Variants in GRHL2 observed in about 807,000 individuals in gnomAD.
The protein encoded by GRHL2 is grainyhead like transcription factor 2.
Under a neutral mutation model 83.8 loss-of-function variants are expected in GRHL2, and 21 were observed. The observed-to-expected ratio is 0.25, with a 90% CI of 0.18 to 0.36. GRHL2 has a LOEUF of 0.36. Ranked by LOEUF, GRHL2 falls within the 10% of genes least tolerant of loss-of-function variation. The pLI is 1.00. For synonymous variants in GRHL2, 280 were observed against 278.9 expected (o/e 1.00, Z -0.04); for missense variants, 623 against 781.8 (o/e 0.80, Z 2.42).
intron 4 of GRHL2, among the ~76,000 whole-genome samples, chr8:101,559,130 T>C (rs534573839): frequency 6.6e-6 from 1 of 152,252 alleles, no homozygotes; most frequent in African/African-American, 2.4e-5. Flanking sequence ...TTCTGCTTTG[T>C]AAAGTTTTCA....
intron 14 of GRHL2, among the ~76,000 whole-genome samples, chr8:101,653,078 G>T (rs1813705273): frequency 6.6e-6 from 1 of 152,182 alleles, no homozygotes; most frequent in Non-Finnish European, 1.5e-5. Flanking sequence ...GTTGTGTGGG[G>T]AGGTCCTCTC....
intron 14 of GRHL2, among the ~76,000 whole-genome samples, chr8:101,650,376 C>T (rs542571643): frequency 4.1e-4 from 63 of 152,162 alleles, no homozygotes; most frequent in African/African-American, 1.4e-3. Context: ...AATAGTATTC[C>T]GTTGTGTAAA....
Position 101,577,533 on chromosome 8 carries a change from G to T in GRHL2, c.1003+14G>T. On this transcript the variant is annotated intron_variant, in intron 7 of 15. Transcript: ENST00000646743. ...TCCTTGACATTGGTAAGTTGACCTT[G>T]ACTTCCCTGTATAGTCCTCGATAAA... 1 of 1,529,700 alleles carries T rather than the reference G, an allele frequency of 6.5e-7. No individual in the cohort carries two copies. Among genetic ancestry groups the T allele is most frequent in the South Asian group, 1.1e-5 (1 of 88,916 alleles). 94.8% of individuals were successfully genotyped at this position (1,529,700 alleles called of 1,614,324 possible). A position where few individuals can be genotyped will look rare whatever the true frequency, so the allele number is the denominator to read the frequency against.
At chr8:101,602,185 C>T (rs1198944419) in intron 8 of GRHL2, among the ~76,000 whole-genome samples, 1 of 152,086 alleles carries the variant, frequency 6.6e-6, no homozygotes, top group Non-Finnish European at 1.5e-5. Flanking sequence ...GTCTGCGGAG[C>T]CTAAGGCATT....
intron 8 of GRHL2, among the ~76,000 whole-genome samples, chr8:101,599,866 G>C (rs953929872): frequency 6.6e-6 from 1 of 152,162 alleles, no homozygotes; most frequent in Non-Finnish European, 1.5e-5. Flanking sequence ...AAACCGTTCT[G>C]CTATGCCCAC....
chr8:101,677,243 C>A, the GRHL2 span, among the ~76,000 whole-genome samples: 1 of 150,074 alleles, frequency 6.7e-6, no homozygotes, highest in Non-Finnish European at 1.5e-5. Flanking sequence ...AGAAAAGGCA[C>A]CAAGATGAAC....
intron 1 of GRHL2, among the ~76,000 whole-genome samples, chr8:101,522,941 G>A (rs1045669137): frequency 6.7e-6 from 1 of 150,102 alleles, no homozygotes. Flanking sequence ...ATGGAATCTC[G>A]CTCTGTCACC....
intron 8 of GRHL2, among the ~76,000 whole-genome samples, chr8:101,603,351 A>G (rs1036908131): frequency 1.3e-5 from 2 of 152,242 alleles, no homozygotes; most frequent in African/African-American, 2.4e-5. Flanking sequence ...ACAAAAAACA[A>G]AAAACCAATC....
chr8:101,678,837 T>A, the GRHL2 span, among the ~76,000 whole-genome samples: 3 of 149,854 alleles, frequency 2.0e-5, no homozygotes, highest in South Asian at 4.3e-4. Flanking sequence ...CATGGCAGGG[T>A]ATTCCAACAG....
intron 1 of GRHL2, among the ~76,000 whole-genome samples, chr8:101,504,004 G>A (rs1284148586): frequency 6.6e-6 from 1 of 152,104 alleles, no homozygotes; most frequent in African/African-American, 2.4e-5. Context: ...ATGCATTTAT[G>A]TATTTATGTA....
chr8:101,654,668 C>A (rs775054017), intron 14 of GRHL2, among the ~76,000 whole-genome samples: 1 of 152,134 alleles, frequency 6.6e-6, no homozygotes, highest in African/African-American at 2.4e-5. Flanking sequence ...CCCTTCCTTC[C>A]GAGCAACTTA....
intron 1 of GRHL2, among the ~76,000 whole-genome samples, chr8:101,542,486 G>C (rs559495339): frequency 4.7e-4 from 72 of 151,896 alleles, no homozygotes; most frequent in African/African-American, 1.6e-3. Flanking sequence ...CTGGGAAGCG[G>C]AGGTTTCAGT....
chr8:101,502,812 CTCT>C (rs1415055547), intron 1 of GRHL2, among the ~76,000 whole-genome samples: 1 of 151,966 alleles, frequency 6.6e-6, no homozygotes, highest in Non-Finnish European at 1.5e-5. Context: ...TCTTCTCCTT[CTCT>C]TCTTCTCTGT....
intron 14 of GRHL2, among the ~76,000 whole-genome samples, chr8:101,660,174 TATA>T (rs1314097244): frequency 1.3e-5 from 2 of 152,274 alleles, no homozygotes; most frequent in African/African-American, 4.8e-5. Context: ...AACAATTACC[TATA>T]ATAATTTTTG....
At chr8:101,675,654 A>T in the GRHL2 span, among the ~76,000 whole-genome samples, 8 of 152,200 alleles carry the variant, frequency 5.3e-5, no homozygotes, top group Middle Eastern at 3.2e-3. Context: ...TTATAGACTC[A>T]ACGCCATCCC....
intron 2 of GRHL2, among the ~76,000 whole-genome samples, chr8:101,551,617 CAAA>C (rs111993659): frequency 4.9e-5 from 7 of 143,822 alleles, no homozygotes; most frequent in Admixed American, 7.0e-5. Flanking sequence ...GGAGATAGAG[CAAA>C]AAAAAAGAAA....
chr8:101,505,576 T>TGAA (rs781360222), intron 1 of GRHL2, among the ~76,000 whole-genome samples: 1 of 11,142 alleles, frequency 9.0e-5, no homozygotes, highest in Admixed American at 8.7e-4. Flanking sequence ...AAACTCTGTC[T>TGAA]CAAAAAAAAA....
chr8:101,553,885 C>T (rs1257467051), intron 3 of GRHL2, among the ~76,000 whole-genome samples: 1 of 152,096 alleles, frequency 6.6e-6, no homozygotes, highest in Non-Finnish European at 1.5e-5. Flanking sequence ...CTCAGCCTCC[C>T]AAAGTGCTGG....
In GRHL2 at chr8:101,539,072, G is replaced by A. The variant is rs562870419; in HGVS notation, c.21-4169G>A. The stretch of plus-strand genomic sequence containing the variant: ...AAGCTAAGAGACTCAGCAGGAGGGA[G>A]TAGGGATTTCAAGAAGGAAGATTTA... On this transcript the variant is annotated intron_variant, in intron 1 of 15. Transcript: ENST00000646743. 3.7e-4 allele frequency among the ~76,000 whole-genome samples: 56 copies of A among 152,322 alleles called. No individual in the cohort carries two copies. In the South Asian group the frequency reaches 0.012, roughly 32 times the overall value.
Sources: gnomAD v4.1 joint callset for allele counts (sites outside exome capture counted in the v4.1 genomes callset) on GRCh38, gnomAD v4.1.1 for gene constraint, MANE v1.5 for transcripts, NCBI Gene and HGNC (gene_info 2026-07-23, HGNC 2026-07-21) for gene names.